TBX18: variants seen among roughly 807,000 people sequenced by gnomAD.
TBX18 encodes T-box transcription factor TBX18.
TBX18 carries 21 observed loss-of-function variants against 55.0 expected under a neutral mutation model. The ratio of observed to expected loss-of-function variants is 0.38; its 90% CI spans 0.27 to 0.55. TBX18 has a LOEUF of 0.55. Ranked by LOEUF, TBX18 falls within the 20% of genes least tolerant of loss-of-function variation. The pLI is 0.73. For synonymous variants in TBX18, 342 were observed against 326.1 expected, an observed-to-expected ratio of 1.05 and a Z score of -0.53; for missense variants, 840 against 799.6, an observed-to-expected ratio of 1.05 and a Z score of -0.61.
In TBX18 at chr6:84,733,548, A is replaced by C. The variant is rs1773859139; in HGVS notation, c.*3137T>G. The stretch of plus-strand genomic sequence containing the variant: ...CACCACCTCTACCAAGGTTCCTGAA[A>C]GAAGTTTATGAAATGATTATTTTTA... On this transcript the variant is annotated 3_prime_UTR_variant, in exon 8 of 8. Coordinates refer to ENST00000369663, the MANE Select transcript of TBX18 (RefSeq NM_001080508.3). 1 of 152,210 alleles carries C rather than the reference A, an allele frequency of 6.6e-6. No homozygotes were observed. Among genetic ancestry groups the C allele is most frequent in the Admixed American group, 6.5e-5 (1 of 15,284 alleles). 9.4% of individuals were successfully genotyped at this position (152,210 alleles called of 1,614,324 possible). A position where few individuals can be genotyped will look rare whatever the true frequency, so the allele number is the denominator to read the frequency against.
In TBX18 at chr6:84,764,254, C is replaced by T. The variant is rs1767756361; in HGVS notation, c.-73G>A. On this transcript the variant is annotated 5_prime_UTR_variant, in exon 1 of 8. Transcript: ENST00000369663. ...GGGCACACGCGCGCTCTCGCTCTTCCCCCACCAAAAACTAAAAGGCTCTCG... is the reference window on the plus strand; with the variant it reads ...GGGCACACGCGCGCTCTCGCTCTTCTCCCACCAAAAACTAAAAGGCTCTCG... The T allele has an allele frequency of 5.8e-6, 8 of 1,374,296 alleles. No homozygotes were observed. Among genetic ancestry groups the T allele is most frequent in the Non-Finnish European group, 7.5e-6 (8 of 1,070,990 alleles). 85.1% of individuals were successfully genotyped at this position (1,374,296 alleles called of 1,614,324 possible).
intron 4 of TBX18, among the ~76,000 whole-genome samples, chr6:84,753,401 G>A (rs1767402603): frequency 6.7e-6 from 1 of 150,272 alleles, no homozygotes; most frequent in South Asian, 2.1e-4. Flanking sequence ...CTGCACACTT[G>A]CACAGACTTG....
chr6:84,764,401 GTC>G lies in TBX18; in HGVS notation c.-222_-221del, dbSNP rs1258902371. ...GCGCCGGCCAAGTCTCCTTTCCTGG[GTC>G]TCTCTCGCGCGCTCTCTCACTGATG... On this transcript the variant is annotated 5_prime_UTR_variant, in exon 1 of 8. Transcript: ENST00000369663. 8.0e-5 allele frequency: 48 copies of G among 597,054 alleles called. No homozygotes were observed. The highest frequency in any genetic ancestry group is 4.6e-4 in the Middle Eastern group (1 of 2,182). The allele number at this position is 597,054 out of a possible 1,614,324, so 37.0% of individuals were successfully genotyped here.
chr6:84,761,317 A>G (rs1767640394), intron 2 of TBX18, among the ~76,000 whole-genome samples: 1 of 152,202 alleles, frequency 6.6e-6, no homozygotes, highest in Non-Finnish European at 1.5e-5. Flanking sequence ...ACCATGAAAG[A>G]CTACTCCTAG....
At chr6:84,742,432 T>G (rs1311478675) in intron 6 of TBX18, 1 of 152,200 alleles carries the variant, frequency 6.6e-6, no homozygotes, top group Non-Finnish European at 1.5e-5. Flanking sequence ...TCATTTTCAC[T>G]GACCAAATTT....
intron 3 of TBX18, among the ~76,000 whole-genome samples, chr6:84,757,309 G>A (rs1020366280): frequency 6.6e-6 from 1 of 152,192 alleles, no homozygotes; most frequent in Admixed American, 6.5e-5. Flanking sequence ...GATCATTTCT[G>A]ATGTTAGACT....
At chr6:84,755,691 G>C (rs779606536) in intron 4 of TBX18, among the ~76,000 whole-genome samples, 17 of 152,136 alleles carry the variant, frequency 1.1e-4, no homozygotes, top group Non-Finnish European at 2.1e-4. Flanking sequence ...AACACTGGCG[G>C]TGTGAGATCT....
intron 4 of TBX18, among the ~76,000 whole-genome samples, chr6:84,756,412 C>G (rs1296326981): frequency 1.3e-5 from 2 of 152,216 alleles, no homozygotes; most frequent in Non-Finnish European, 2.9e-5. Flanking sequence ...ATTAGCACCT[C>G]AAGAGATTTC....
rs568040975 is a variant in TBX18, at chr6:84,735,425, C to A, written c.*1260G>T. Reference sequence around the variant, plus strand: ...ATAGTTCCTTTATCATAATTAGTATCTTCCTTCTTAGTCCTCCAAGAGGGT... The same window carrying A: ...ATAGTTCCTTTATCATAATTAGTATATTCCTTCTTAGTCCTCCAAGAGGGT... On this transcript the variant is annotated 3_prime_UTR_variant, in exon 8 of 8. Transcript: ENST00000369663. 2 of 152,192 alleles carry A rather than the reference C, an allele frequency of 1.3e-5. No homozygotes were observed. The highest frequency in any genetic ancestry group is 1.3e-4 in the Admixed American group (2 of 15,280). The allele number at this position is 152,192 out of a possible 1,614,324, so 9.4% of individuals were successfully genotyped here.
intron 4 of TBX18, 79 bp from the exon 5 acceptor site, chr6:84,748,166 A>T: frequency 9.2e-7 from 1 of 1,086,392 alleles, no homozygotes; most frequent in Non-Finnish European, 1.3e-6. Context: ...TTTAATGTGT[A>T]CAATCAATTC....
chr6:84,746,431 T>A (rs1380210466), intron 5 of TBX18, among the ~76,000 whole-genome samples: 1 of 147,340 alleles, frequency 6.8e-6, no homozygotes, highest in Admixed American at 6.8e-5. Flanking sequence ...TATATTATAA[T>A]TATATATTAT....
chr6:84,760,290 G>A lies in TBX18; in HGVS notation c.564C>T (p.Ala188=), dbSNP rs1037700910. 1 of 1,605,836 alleles carries A rather than the reference G, an allele frequency of 6.2e-7. No homozygotes were observed. Among genetic ancestry groups the A allele is most frequent in the Non-Finnish European group, 8.5e-7 (1 of 1,174,978 alleles). Residue 188 remains alanine (A), a synonymous_variant, in exon 3 of 8, where the codon GCC becomes GCT. Coordinates refer to ENST00000369663, the MANE Select transcript of TBX18 (RefSeq NM_001080508.3). ...GLDPHQQYYI[A]MDIVPVDNKR... Reference sequence around the variant, plus strand: ...TGTTGTCCACTGGTACAATATCCATGGCAATGTAATATTGCTGGTGAGGAT... The same window carrying A: ...TGTTGTCCACTGGTACAATATCCATAGCAATGTAATATTGCTGGTGAGGAT...
chr6:84,741,656 T>C (rs1277794658), intron 6 of TBX18: 1 of 152,200 alleles, frequency 6.6e-6, no homozygotes, highest in Admixed American at 6.5e-5. Context: ...GTATATTTCA[T>C]GTACAGGGTC....
intron 4 of TBX18, among the ~76,000 whole-genome samples, chr6:84,749,748 C>T (rs377568527): frequency 6.6e-6 from 1 of 151,712 alleles, no homozygotes; most frequent in East Asian, 1.9e-4. Flanking sequence ...CCATTAGTGA[C>T]TTATGAAATC....
chr6:84,741,221 A>G (rs900927197), intron 6 of TBX18: 7 of 152,250 alleles, frequency 4.6e-5, no homozygotes, highest in African/African-American at 1.7e-4. Flanking sequence ...TAAAGAAAAG[A>G]TAAAAGGCAC....
chr6:84,748,967 T>G (rs935843109), intron 4 of TBX18, among the ~76,000 whole-genome samples: 3 of 152,144 alleles, frequency 2.0e-5, no homozygotes, highest in East Asian at 3.8e-4. Flanking sequence ...ACTTTTAAAA[T>G]CTTAAATTTA....
At chr6:84,763,559 A>C in intron 1 of TBX18, 2 of 575,508 alleles carry the variant, frequency 3.5e-6, no homozygotes, top group Admixed American at 2.2e-5. Flanking sequence ...AAAAGTTAGG[A>C]AACAAAAAAG....
intron 2 of TBX18, among the ~76,000 whole-genome samples, chr6:84,761,091 C>T (rs550004319): frequency 2.9e-4 from 44 of 152,228 alleles, no homozygotes; most frequent in African/African-American, 9.9e-4. Flanking sequence ...AAAGGAGATG[C>T]TAGAGTAAAT....
intron 6 of TBX18, chr6:84,742,099 T>C (rs1767062413): frequency 6.6e-6 from 1 of 152,176 alleles, no homozygotes. Context: ...GAAACTGTAT[T>C]TCACTAGCAA....
Sources: allele counts gnomAD v4.1 joint callset (sites outside exome capture counted in the v4.1 genomes callset), GRCh38; gene constraint gnomAD v4.1.1; transcripts MANE v1.5; gene names NCBI Gene and HGNC (gene_info 2026-07-23, HGNC 2026-07-21).